Variants in ASPH observed in about 807,000 individuals in gnomAD.
ASPH encodes aspartyl/asparaginyl beta-hydroxylase.
Under a neutral mutation model 118.4 loss-of-function variants are expected in ASPH, and 100 were observed. The observed-to-expected ratio is 0.84, with a 90% CI of 0.72 to 1.00. The LOEUF is 1.00. Ranked by LOEUF, ASPH falls within the 50% of genes least tolerant of loss-of-function variation. The pLI, the probability that ASPH is intolerant of heterozygous loss-of-function variation, is 0.00. For synonymous variants in ASPH, 315 were observed against 325.6 expected, an observed-to-expected ratio of 0.97 and a Z score of 0.35; for missense variants, 920 against 919.5, an observed-to-expected ratio of 1.00 and a Z score of -0.01.
chr8:61,677,887 G>T (rs1275248264), intron 3 of ASPH, among the ~76,000 whole-genome samples: 1 of 152,106 alleles, frequency 6.6e-6, no homozygotes, highest in Non-Finnish European at 1.5e-5. Flanking sequence ...ATGACCATAT[G>T]CAACGAATAT....
chr8:61,626,199 C>A, intron 13 of ASPH: 1 of 1,431,876 alleles, frequency 7.0e-7, no homozygotes, highest in Non-Finnish European at 9.2e-7. Flanking sequence ...TTCACAAGAT[C>A]TATCACAGCC....
intron 14 of ASPH, among the ~76,000 whole-genome samples, chr8:61,598,664 A>G (rs973766848): frequency 1.3e-5 from 2 of 152,246 alleles, no homozygotes; most frequent in African/African-American, 4.8e-5. Flanking sequence ...TTTACAGAGC[A>G]TCATATCCAA....
At chr8:61,552,222 A>G (rs924225727) in intron 20 of ASPH, among the ~76,000 whole-genome samples, 1 of 152,228 alleles carries the variant, frequency 6.6e-6, no homozygotes, top group Non-Finnish European at 1.5e-5. Context: ...TCACCCCTGC[A>G]ATAAAGCAGG....
intron 15 of ASPH, chr8:61,582,896 A>G (rs1838031043): frequency 6.6e-6 from 1 of 152,218 alleles, no homozygotes; most frequent in South Asian, 2.1e-4. Flanking sequence ...CGCCAAAAAC[A>G]AGGAGATGAT....
chr8:61,507,729 A>G (rs1173148468), intron 24 of ASPH, among the ~76,000 whole-genome samples: 1 of 152,106 alleles, frequency 6.6e-6, no homozygotes, highest in East Asian at 1.9e-4. Flanking sequence ...AAAACCAAAG[A>G]CTCTCATTAG....
At chr8:61,679,033 C>T (rs768262844) in intron 3 of ASPH, among the ~76,000 whole-genome samples, 2 of 152,104 alleles carry the variant, frequency 1.3e-5, no homozygotes, top group Non-Finnish European at 2.9e-5. Context: ...CAGAAAAGAA[C>T]TTCAGTCATA....
At chr8:61,696,375 C>T (rs1231901005) in intron 1 of ASPH, among the ~76,000 whole-genome samples, 1 of 152,152 alleles carries the variant, frequency 6.6e-6, no homozygotes. Flanking sequence ...TTTTTGGAAC[C>T]TTTACTATCC....
intron 1 of ASPH, chr8:61,687,403 T>TA (rs1247377997): frequency 6.6e-6 from 1 of 152,220 alleles, no homozygotes; most frequent in Non-Finnish European, 1.5e-5. Context: ...AATACACCTT[T>TA]ACCTAGAATT....
chr8:61,714,460 G>A lies in ASPH; in HGVS notation c.-89C>T, dbSNP rs1041122088. On this transcript the variant is annotated 5_prime_UTR_variant, in exon 1 of 25. Coordinates refer to ENST00000379454, the MANE Select transcript of ASPH (RefSeq NM_004318.4). ...CGACGCGGGAACCGCTGGCGGCGGC[G>A]GGCCGCTGGAGCGGGTTCGGGCCGC... 3.8e-5 allele frequency: 52 copies of A among 1,363,602 alleles called. No homozygotes were observed. The highest frequency in any genetic ancestry group is 7.2e-5 in the Admixed American group (2 of 27,664). 84.5% of individuals were successfully genotyped at this position (1,363,602 alleles called of 1,614,324 possible).
At chr8:61,663,013 C>T in intron 3 of ASPH, 1 of 985,286 alleles carries the variant, frequency 1.0e-6, no homozygotes, top group Non-Finnish European at 1.2e-6. Context: ...AATTGTTTGC[C>T]CTTCTTCAAG....
intron 3 of ASPH, chr8:61,676,325 T>C (rs1351420819): frequency 1.3e-6 from 2 of 1,575,392 alleles, no homozygotes; most frequent in East Asian, 2.3e-5. Flanking sequence ...CAGGCCTACA[T>C]AAGAATAAAG....
chr8:61,676,109 T>C (rs1825182667), intron 3 of ASPH: 2 of 1,599,438 alleles, frequency 1.3e-6, no homozygotes, highest in African/African-American at 1.3e-5. Flanking sequence ...GACACAAGTC[T>C]TTCCCTGAAC....
rs538380060 is a variant in ASPH at position 61,668,366 on chromosome 8, C to A, written c.322+12602G>T. ...GTCTATTAAATAGGTAAAATCAATG[C>A]CACTATAAAATATGTTAAGTTAGTT... On this transcript the variant is annotated intron_variant, in intron 3 of 24. Transcript: ENST00000379454. The A allele has an allele frequency of 5.0e-5, 49 of 978,598 alleles. 1 individual carries two copies. In the South Asian group the frequency reaches 7.2e-4, roughly 14 times the overall value. The allele number at this position is 978,598 out of a possible 1,614,324, so 60.6% of individuals were successfully genotyped here.
intron 14 of ASPH, among the ~76,000 whole-genome samples, chr8:61,598,407 C>T (rs943717649): frequency 2.0e-5 from 3 of 151,932 alleles, no homozygotes; most frequent in African/African-American, 7.3e-5. Context: ...AAAAAAGAAA[C>T]AAAGAAGGTC....
chr8:61,714,108 C>G (rs1315180912), intron 1 of ASPH, among the ~76,000 whole-genome samples, 161 bp downstream of exon 1: 1 of 152,302 alleles, frequency 6.6e-6, no homozygotes, highest in African/African-American at 2.4e-5. Context: ...CCAGGCCCGC[C>G]GAATGCGGCC....
Position 61,503,251 on chromosome 8 carries a change from G to A in ASPH, c.*108C>T, listed in dbSNP as rs1039716873. ...AGGCTTTGAATTACTCGGGCTGCAA[G>A]TCAAGGGAATTGACTCTTGGTGTTC... On this transcript the variant is annotated 3_prime_UTR_variant, in exon 25 of 25. Coordinates refer to ENST00000379454, the MANE Select transcript of ASPH (RefSeq NM_004318.4). The A allele has an allele frequency of 1.1e-5, 15 of 1,326,688 alleles. No individual in the cohort carries two copies. In the East Asian group the frequency reaches 3.4e-4, roughly 30 times the overall value. 82.2% of individuals were successfully genotyped at this position (1,326,688 alleles called of 1,614,324 possible).
At chr8:61,685,822 T>A (rs1830277016) in intron 1 of ASPH, among the ~76,000 whole-genome samples, 1 of 151,426 alleles carries the variant, frequency 6.6e-6, no homozygotes, top group African/African-American at 2.4e-5. Context: ...ATGGTCTCCC[T>A]CTGTCACCCA....
At chr8:61,664,676 G>A (rs1818597702) in intron 3 of ASPH, 8 of 985,940 alleles carry the variant, frequency 8.1e-6, no homozygotes, top group African/African-American at 1.8e-5. Context: ...GGAGATAAGA[G>A]GGAAAAGGGG....
chr8:61,689,827 T>A (rs974444717), intron 1 of ASPH: 8 of 1,422,436 alleles, frequency 5.6e-6, no homozygotes, highest in Admixed American at 6.2e-5. Flanking sequence ...ATCCCTGCAC[T>A]GTAAGGGCCT....
Sources: gnomAD v4.1 joint callset for allele counts (sites outside exome capture counted in the v4.1 genomes callset) on GRCh38, gnomAD v4.1.1 for gene constraint, MANE v1.5 for transcripts, NCBI Gene and HGNC (gene_info 2026-07-23, HGNC 2026-07-21) for gene names.